MAN1C1: variants seen among roughly 807,000 people sequenced by gnomAD.
MAN1C1 encodes mannosidase alpha class 1C member 1.
MAN1C1 carries 49 observed loss-of-function variants against 71.5 expected under a neutral mutation model. That is an observed-to-expected ratio of 0.69 (90% CI 0.54 to 0.87). The LOEUF (loss-of-function observed/expected upper bound fraction) is 0.87. Among genes scored for constraint, MAN1C1 ranks in the 40% least tolerant of loss-of-function variants. The probability of loss-of-function intolerance (pLI) is 0.00; values close to 1 mark genes in which losing one functional copy is unlikely to be tolerated. For missense variants in MAN1C1, 743 were observed against 835.0 expected (o/e 0.89, Z 1.36); for synonymous variants, 352 against 343.7 (o/e 1.02, Z -0.27).
chr1:25,781,018 A>G lies in MAN1C1; in HGVS notation c.1556A>G (p.Tyr519Cys). ...AVATQLSESY[Y>C]ILRPEVVESY... is the part of the protein sequence containing the mutation. ...GCCACCCAGCTGAGCGAGAGCTACT[A>G]CATCCTCCGGCCAGAGGTGGTGGAG... Residue 519 changes from tyrosine (Y) to cysteine (C), a missense_variant, in exon 10 of 12, where the codon TAC becomes TGC. Tyr to Cys is a radical substitution (Grantham distance 194). Coordinates refer to ENST00000374332, the MANE Select transcript of MAN1C1 (RefSeq NM_020379.4). 1.2e-6 allele frequency: 2 copies of G among 1,614,130 alleles called. No individual in the cohort carries two copies. Among genetic ancestry groups the G allele is most frequent in the South Asian group, 1.1e-5 (1 of 91,082 alleles).
At chr1:25,736,752 C>T (rs1194990511) in intron 2 of MAN1C1, among the ~76,000 whole-genome samples, 2 of 152,174 alleles carry the variant, frequency 1.3e-5, no homozygotes, top group Non-Finnish European at 2.9e-5. Context: ...GTCTTGAACT[C>T]CCGGGCTCAA....
At chr1:25,659,683 G>C (rs1293188202) in intron 1 of MAN1C1, among the ~76,000 whole-genome samples, 2 of 152,186 alleles carry the variant, frequency 1.3e-5, no homozygotes, top group Non-Finnish European at 2.9e-5. Context: ...AGTGCCCAAA[G>C]CAAGGCTTGG....
At chr1:25,653,490 T>G (rs1290126925) in intron 1 of MAN1C1, among the ~76,000 whole-genome samples, 1 of 152,224 alleles carries the variant, frequency 6.6e-6, no homozygotes. Flanking sequence ...CGTGTGGCCC[T>G]AAGCCAAATT....
chr1:25,776,071 G>A lies in MAN1C1; in HGVS notation c.1258-2034G>A, dbSNP rs1406199099. 1 of 152,088 alleles carries A rather than the reference G, an allele frequency of 6.6e-6. No individual in the cohort carries two copies. Among genetic ancestry groups the A allele is most frequent in the African/African-American group, 2.4e-5 (1 of 41,416 alleles). The allele number at this position is 152,088 out of a possible 1,614,324, so 9.4% of individuals were successfully genotyped here. A position where few individuals can be genotyped will look rare whatever the true frequency, so the allele number is the denominator to read the frequency against. ...CTGGCTAATTCTTATATTTTTAGTA[G>A]AGATGGGTTTTTGCCATGTTGCCCA... On this transcript the variant is annotated intron_variant, in intron 8 of 11. Transcript: ENST00000374332. This position sits in a 1 kb window ranked among gnomAD's most constrained non-coding sequence, Gnocchi z 4.3.
chr1:25,666,207 G>A (rs950805816), intron 1 of MAN1C1, among the ~76,000 whole-genome samples: 9 of 152,282 alleles, frequency 5.9e-5, no homozygotes, highest in African/African-American at 2.2e-4. Flanking sequence ...CCTCAGGAGG[G>A]TTTAGACTTT....
At chr1:25,728,408 G>GA (rs1226193816) in intron 2 of MAN1C1, among the ~76,000 whole-genome samples, 1 of 152,232 alleles carries the variant, frequency 6.6e-6, no homozygotes, top group East Asian at 1.9e-4. Flanking sequence ...CTGTTTGAGA[G>GA]AAACAGGCTC....
chr1:25,677,596 G>A (rs1464580562), intron 1 of MAN1C1, among the ~76,000 whole-genome samples: 1 of 152,084 alleles, frequency 6.6e-6, no homozygotes, highest in African/African-American at 2.4e-5. Flanking sequence ...TCCCCAGTCA[G>A]CTACTGCACT....
At chr1:25,700,661 CTT>C (rs2046429892) in intron 2 of MAN1C1, among the ~76,000 whole-genome samples, 1 of 152,242 alleles carries the variant, frequency 6.6e-6, no homozygotes, top group Non-Finnish European at 1.5e-5. Context: ...TCCTCGAACT[CTT>C]TAAGTGTCTT....
chr1:25,618,583 C>A (rs146069126), intron 1 of MAN1C1, among the ~76,000 whole-genome samples: 2 of 152,116 alleles, frequency 1.3e-5, no homozygotes, highest in African/African-American at 4.8e-5. Context: ...AGCTGAACCC[C>A]TAGACCAACT....
At chr1:25,668,200 T>C (rs889817521) in intron 1 of MAN1C1, among the ~76,000 whole-genome samples, 14 of 152,138 alleles carry the variant, frequency 9.2e-5, no homozygotes, top group Non-Finnish European at 1.9e-4. Flanking sequence ...CAGATATTTA[T>C]TAAGTTCTCA....
At chr1:25,694,912 T>C (rs2046350794) in intron 2 of MAN1C1, among the ~76,000 whole-genome samples, 5 of 152,234 alleles carry the variant, frequency 3.3e-5, no homozygotes, top group Admixed American at 3.3e-4. Context: ...AGTCACAAAC[T>C]TCTCTGAACC....
Position 25,725,691 on chromosome 1 carries a change from C to T in MAN1C1, c.638-20977C>T, listed in dbSNP as rs1279418797. On this transcript the variant is annotated intron_variant, in intron 2 of 11. Coordinates refer to ENST00000374332, the MANE Select transcript of MAN1C1 (RefSeq NM_020379.4). The surrounding 1 kb of genome is among the most constrained non-coding windows in gnomAD (Gnocchi z 4.8). ...TTTTCAGTGCCTGGGGATCCTGCCTCGCCTCCCACTTTGCCCTCTAGATGG... is the reference window on the plus strand; with the variant it reads ...TTTTCAGTGCCTGGGGATCCTGCCTTGCCTCCCACTTTGCCCTCTAGATGG... 1.3e-5 allele frequency among the ~76,000 whole-genome samples: 2 copies of T among 152,178 alleles called. No homozygotes were observed. The highest frequency in any genetic ancestry group is 2.4e-5 in the African/African-American group (1 of 41,452).
chr1:25,717,999 TACACACACAC>T (rs71577794), intron 2 of MAN1C1, among the ~76,000 whole-genome samples: 12 of 148,494 alleles, frequency 8.1e-5, no homozygotes, highest in Admixed American at 4.0e-4. Context: ...TAGCTTTATT[TACACACACAC>T]ACACACACAC....
chr1:25,667,240 T>C (rs1423063648), intron 1 of MAN1C1, among the ~76,000 whole-genome samples: 1 of 151,902 alleles, frequency 6.6e-6, no homozygotes, highest in Admixed American at 6.6e-5. Flanking sequence ...TCCCAGCCCT[T>C]TGGGAGGCTG....
intron 1 of MAN1C1, among the ~76,000 whole-genome samples, chr1:25,649,730 C>T (rs1297349427): frequency 3.9e-5 from 6 of 152,126 alleles, no homozygotes; most frequent in Admixed American, 2.6e-4. Flanking sequence ...CTGCCCCTCC[C>T]GGGTTCAAGC....
chr1:25,618,011 C>G lies in MAN1C1; in HGVS notation c.214C>G (p.His72Asp), dbSNP rs2045133918. Residue 72 changes from histidine (H) to aspartate (D), a missense_variant, in exon 1 of 12, where the codon CAT becomes GAT. By Grantham distance (81) the His-to-Asp change is moderately conservative. Transcript: ENST00000374332. ...GGAAGTGGTGGCTGAAATCGCCGGC[C>G]ATGCCCCGGCCCGCGAGCAGGAGCC... Reference protein sequence around the residue: ...GLEVVAEIAGHAPAREQEPPP... With the variant: ...GLEVVAEIAGDAPAREQEPPP... The G allele has an allele frequency of 6.2e-7, 1 of 1,602,310 alleles. No homozygotes were observed. The highest frequency in any genetic ancestry group is 8.5e-7 in the Non-Finnish European group (1 of 1,176,034).
At chr1:25,674,440 G>C (rs928859647) in intron 1 of MAN1C1, among the ~76,000 whole-genome samples, 1 of 152,192 alleles carries the variant, frequency 6.6e-6, no homozygotes, top group Non-Finnish European at 1.5e-5. Flanking sequence ...ACAGAGCCTC[G>C]TGGAGCCTGC....
intron 1 of MAN1C1, among the ~76,000 whole-genome samples, chr1:25,673,042 A>G (rs868020943): frequency 6.6e-6 from 1 of 152,252 alleles, no homozygotes. Flanking sequence ...TGACAGCCAG[A>G]GGTGAACGGG....
chr1:25,724,749 A>G (rs1479133151), intron 2 of MAN1C1, among the ~76,000 whole-genome samples: 4 of 152,204 alleles, frequency 2.6e-5, no homozygotes, highest in Non-Finnish European at 5.9e-5. Flanking sequence ...CTGCAAACAC[A>G]GAATATTTTG....
Sources: gnomAD v4.1 joint callset for allele counts (sites outside exome capture counted in the v4.1 genomes callset) on GRCh38, gnomAD v4.1.1 for gene constraint, Gnocchi (gnomAD v3.1) non-coding constraint, MANE v1.5 for transcripts, NCBI Gene and HGNC (gene_info 2026-07-23, HGNC 2026-07-21) for gene names.